Variants in ASPH observed in about 807,000 individuals in gnomAD.
The protein encoded by ASPH is aspartate beta-hydroxylase.
A neutral mutation model predicts 118.4 loss-of-function variants in ASPH; 100 were observed. The observed-to-expected ratio is 0.84, with a 90% CI of 0.72 to 1.00. The LOEUF (loss-of-function observed/expected upper bound fraction) is 1.00. Ranked by LOEUF, ASPH falls within the 50% of genes least tolerant of loss-of-function variation. The probability of loss-of-function intolerance (pLI) is 0.00; values close to 1 mark genes in which losing one functional copy is unlikely to be tolerated. For synonymous variants in ASPH, 315 were observed against 325.6 expected (o/e 0.97, Z 0.35); for missense variants, 920 against 919.5 (o/e 1.00, Z -0.01).
At chr8:61,578,843 A>T in intron 15 of ASPH, 1 of 1,612,466 alleles carries the variant, frequency 6.2e-7, no homozygotes, top group Non-Finnish European at 8.5e-7. Flanking sequence ...TGAACAAGGT[A>T]GAGCTGGAGT....
intron 1 of ASPH, among the ~76,000 whole-genome samples, chr8:61,709,673 G>C (rs1370757648): frequency 1.3e-5 from 2 of 152,204 alleles, no homozygotes; most frequent in East Asian, 1.9e-4. Context: ...ACAGAATGAA[G>C]TCAAGCCATT....
At chr8:61,706,259 C>T (rs886911165) in intron 1 of ASPH, among the ~76,000 whole-genome samples, 3 of 151,304 alleles carry the variant, frequency 2.0e-5, no homozygotes, top group African/African-American at 4.9e-5. Context: ...CCCATCTGTA[C>T]AAGAAATAAG....
intron 24 of ASPH, among the ~76,000 whole-genome samples, chr8:61,510,585 A>G (rs144842001): frequency 0.01 from 1,596 of 152,316 alleles, 36 homozygotes; most frequent in African/African-American, 0.036. Flanking sequence ...TCCATTTTCC[A>G]TATGGGAAAT....
At chr8:61,638,115 C>T in intron 11 of ASPH, 112 bp from the exon 12 acceptor site, 1 of 1,223,196 alleles carries the variant, frequency 8.2e-7, no homozygotes. Flanking sequence ...ACTCAGATTG[C>T]TAAATTTGAC....
At chr8:61,578,909 G>C in intron 15 of ASPH, 1 of 1,612,008 alleles carries the variant, frequency 6.2e-7, no homozygotes, top group South Asian at 1.1e-5. Flanking sequence ...TGTACGAAAA[G>C]GAGATCCGGG....
chr8:61,513,240 A>G (rs180958582), intron 24 of ASPH, among the ~76,000 whole-genome samples: 2 of 152,326 alleles, frequency 1.3e-5, no homozygotes, highest in East Asian at 3.9e-4. Context: ...TTTTCTTTCC[A>G]TGCCAAAAGT....
intron 13 of ASPH, chr8:61,632,682 T>C (rs757095673): frequency 4.0e-6 from 2 of 495,370 alleles, no homozygotes; most frequent in Admixed American, 4.1e-5. Context: ...CAGATAATTA[T>C]TATTAATGTA....
intron 14 of ASPH, among the ~76,000 whole-genome samples, chr8:61,595,017 G>A (rs907543537): frequency 6.6e-6 from 1 of 152,142 alleles, no homozygotes; most frequent in Admixed American, 6.5e-5. Flanking sequence ...TAACTTTTAA[G>A]AAATAAATTA....
intron 2 of ASPH, among the ~76,000 whole-genome samples, chr8:61,681,646 C>G (rs970302390): frequency 6.6e-6 from 1 of 151,624 alleles, no homozygotes; most frequent in African/African-American, 2.4e-5. Flanking sequence ...CTGGAGGCTT[C>G]GGAAATTATA....
intron 14 of ASPH, 130 bp downstream of exon 14, chr8:61,618,848 G>T: frequency 1.4e-6 from 1 of 730,644 alleles, no homozygotes; most frequent in East Asian, 2.9e-5. Context: ...ATAAATCATT[G>T]AAATAACAAA....
intron 14 of ASPH, among the ~76,000 whole-genome samples, chr8:61,585,071 T>C (rs937057952): frequency 9.2e-5 from 14 of 152,242 alleles, no homozygotes; most frequent in Non-Finnish European, 4.4e-5. Flanking sequence ...GTCCTAACTC[T>C]TGCAGGGTGG....
chr8:61,691,634 C>T (rs1241222701), intron 1 of ASPH, among the ~76,000 whole-genome samples: 1 of 152,178 alleles, frequency 6.6e-6, no homozygotes, highest in Non-Finnish European at 1.5e-5. Context: ...TACACTGATC[C>T]AGCAGGCAGC....
rs561926513 is a variant in ASPH, at chr8:61,693,894, G to C, written c.104-9706C>G. On this transcript the variant is annotated intron_variant, in intron 1 of 24. Coordinates refer to ENST00000379454, the MANE Select transcript of ASPH (RefSeq NM_004318.4). ...CTATCAGTTCACTGCGTGGACTGCC[G>C]TGACTGCCTCCCTGGGTGAACACAA... Among the ~76,000 whole-genome samples, 4 of 152,208 alleles carry C rather than the reference G, an allele frequency of 2.6e-5. No individual in the cohort carries two copies. In the East Asian group the frequency reaches 7.7e-4, roughly 29 times the overall value.
intron 1 of ASPH, among the ~76,000 whole-genome samples, chr8:61,712,236 C>T (rs954889941): frequency 6.6e-6 from 1 of 152,142 alleles, no homozygotes; most frequent in African/African-American, 2.4e-5. Flanking sequence ...GTTCGCACAA[C>T]GTCCGTACTT....
chr8:61,647,256 T>A (rs910116270), intron 5 of ASPH, among the ~76,000 whole-genome samples: 1 of 152,232 alleles, frequency 6.6e-6, no homozygotes, highest in African/African-American at 2.4e-5. Context: ...TCAATTATCC[T>A]CAGGTCAAAG....
In ASPH at chr8:61,542,646, C is replaced by G. The variant is rs550311854; in HGVS notation, c.1764+5425G>C. 4.6e-5 allele frequency among the ~76,000 whole-genome samples: 7 copies of G among 152,260 alleles called. 1 individual carries two copies. Among genetic ancestry groups the G allele is most frequent in the African/African-American group, 1.7e-4 (7 of 41,554 alleles). ...ATAGAAGAAAAAACTAATAAAAACA[C>G]ATATATTATCCCTTTTATGTTTACC... is the stretch of plus-strand genomic sequence containing the variant. On this transcript the variant is annotated intron_variant, in intron 21 of 24. Coordinates refer to ENST00000379454, the MANE Select transcript of ASPH (RefSeq NM_004318.4).
chr8:61,518,220 G>T, intron 22 of ASPH, 97 bp from the exon 23 acceptor site: 1 of 964,810 alleles, frequency 1.0e-6, no homozygotes, highest in South Asian at 1.8e-5. Context: ...CCTCACTGCA[G>T]GAATGAGAAG....
At chr8:61,684,863 A>G (rs1172776752) in intron 1 of ASPH, among the ~76,000 whole-genome samples, 4 of 152,200 alleles carry the variant, frequency 2.6e-5, no homozygotes, top group Admixed American at 2.6e-4. Flanking sequence ...GCCAAAAATA[A>G]ACAAAAATGA....
chr8:61,532,836 A>T (rs1419759611), intron 21 of ASPH, among the ~76,000 whole-genome samples: 1 of 152,202 alleles, frequency 6.6e-6, no homozygotes, highest in African/African-American at 2.4e-5. Context: ...GGGGCAAATT[A>T]CTTATCTCTG....
Sources: allele counts gnomAD v4.1 joint callset (sites outside exome capture counted in the v4.1 genomes callset), GRCh38; gene constraint gnomAD v4.1.1; transcripts MANE v1.5; gene names NCBI Gene and HGNC (gene_info 2026-07-23, HGNC 2026-07-21).